The following RPN2 variants were observed in gnomAD, a reference collection of about 807,000 sequenced individuals.
RPN2 encodes dolichyl-diphosphooligosaccharide--protein glycosyltransferase subunit 2.
A neutral mutation model predicts 71.4 loss-of-function variants in RPN2; 29 were observed. The ratio of observed to expected loss-of-function variants is 0.41; its 90% CI spans 0.30 to 0.55. RPN2 has a LOEUF of 0.55. Among genes scored for constraint, RPN2 ranks in the 20% least tolerant of loss-of-function variants. RPN2 has a pLI of 0.35. For missense variants in RPN2, 726 were observed against 774.1 expected, an observed-to-expected ratio of 0.94 and a Z score of 0.74; for synonymous variants, 308 against 305.0, an observed-to-expected ratio of 1.01 and a Z score of -0.10.
At chr20:37,212,452 T>C (rs555249783) in intron 8 of RPN2, among the ~76,000 whole-genome samples, 2 of 151,598 alleles carry the variant, frequency 1.3e-5, no homozygotes, top group African/African-American at 2.4e-5. Context: ...AATTTTTATA[T>C]GAATTAGTGT....
At chr20:37,236,985 A>T (rs1338795451) in intron 16 of RPN2, among the ~76,000 whole-genome samples, 1 of 152,202 alleles carries the variant, frequency 6.6e-6, no homozygotes, top group Non-Finnish European at 1.5e-5. Flanking sequence ...AAATGCATTC[A>T]TAGATGTGGC....
chr20:37,199,236 A>T lies in RPN2; in HGVS notation c.479+11A>T. ...GGAGACTGTGCTGGCGTGAGTTGTC[A>T]TCTCGAGCATTTCTCAGGCTTCATT... On this transcript the variant is annotated intron_variant, in intron 4 of 16. Coordinates refer to ENST00000237530, the MANE Select transcript of RPN2 (RefSeq NM_002951.5). 1 of 1,612,878 alleles carries T rather than the reference A, an allele frequency of 6.2e-7. No homozygotes were observed. Among genetic ancestry groups the T allele is most frequent in the Non-Finnish European group, 8.5e-7 (1 of 1,180,002 alleles).
chr20:37,211,660 A>T (rs1335806897), intron 8 of RPN2, among the ~76,000 whole-genome samples: 1 of 151,750 alleles, frequency 6.6e-6, no homozygotes, highest in Non-Finnish European at 1.5e-5. Context: ...AAAAAAAAAA[A>T]AATCAGGGTA....
At chr20:37,195,706 T>C (rs2067241366) in intron 2 of RPN2, among the ~76,000 whole-genome samples, 1 of 152,180 alleles carries the variant, frequency 6.6e-6, no homozygotes, top group African/African-American at 2.4e-5. Context: ...GTCTCCAGTG[T>C]TGTCGTTCCA....
intron 16 of RPN2, chr20:37,238,315 C>T (rs2068456287): frequency 9.8e-7 from 1 of 1,019,918 alleles, no homozygotes; most frequent in East Asian, 2.6e-5. Flanking sequence ...AATGGAAGCT[C>T]TGGTTGGGTG....
intron 8 of RPN2, among the ~76,000 whole-genome samples, chr20:37,212,848 A>C (rs1464754509): frequency 1.3e-5 from 2 of 152,166 alleles, no homozygotes; most frequent in Non-Finnish European, 1.5e-5. Flanking sequence ...TTTAGAGAGA[A>C]AATGCGTTTC....
intron 10 of RPN2, among the ~76,000 whole-genome samples, chr20:37,225,248 C>T (rs957688939): frequency 6.6e-6 from 1 of 152,206 alleles, no homozygotes; most frequent in African/African-American, 2.4e-5. Context: ...ACCCTTCTTT[C>T]TTTTGTGTCT....
At chr20:37,223,003 T>C (rs1017776300) in intron 9 of RPN2, among the ~76,000 whole-genome samples, 11 of 152,244 alleles carry the variant, frequency 7.2e-5, no homozygotes, top group Admixed American at 5.9e-4. Flanking sequence ...GTTTATTTTT[T>C]CCCCACGCTA....
intron 9 of RPN2, among the ~76,000 whole-genome samples, chr20:37,221,774 G>A (rs888151966): frequency 6.6e-6 from 1 of 152,150 alleles, no homozygotes; most frequent in African/African-American, 2.4e-5. Context: ...AAAATTGGAG[G>A]GCTGCTAAGC....
chr20:37,200,273 G>A (rs1238136522), intron 4 of RPN2, among the ~76,000 whole-genome samples: 1 of 152,160 alleles, frequency 6.6e-6, no homozygotes, highest in Non-Finnish European at 1.5e-5. Flanking sequence ...ACAGGCGTGA[G>A]CCACAGCGCC....
At chr20:37,215,400 C>T (rs1224599256) in intron 9 of RPN2, among the ~76,000 whole-genome samples, 5 of 152,212 alleles carry the variant, frequency 3.3e-5, no homozygotes, top group South Asian at 2.1e-4. Flanking sequence ...GATCTTAGTT[C>T]GTTCACTATG....
At chr20:37,180,907 A>C (rs1026429835) in intron 1 of RPN2, among the ~76,000 whole-genome samples, 2 of 152,168 alleles carry the variant, frequency 1.3e-5, no homozygotes, top group Middle Eastern at 3.2e-3. Flanking sequence ...ATTAGAGTGT[A>C]AGTCAAATCA....
intron 2 of RPN2, among the ~76,000 whole-genome samples, chr20:37,191,639 G>T (rs979987950): frequency 6.7e-6 from 1 of 150,300 alleles, no homozygotes; most frequent in African/African-American, 2.4e-5. Flanking sequence ...GTGGTGGCGG[G>T]TGCCTGTAGT....
At chr20:37,208,449 G>A (rs6104063) in intron 7 of RPN2, among the ~76,000 whole-genome samples, 4 of 151,954 alleles carry the variant, frequency 2.6e-5, no homozygotes, top group African/African-American at 7.3e-5. Flanking sequence ...TCGCTATGTC[G>A]CGCAGGCTGG....
intron 6 of RPN2, among the ~76,000 whole-genome samples, chr20:37,206,606 G>A (rs1196662850): frequency 6.6e-6 from 1 of 152,004 alleles, no homozygotes; most frequent in Non-Finnish European, 1.5e-5. Context: ...ATGATGCCTG[G>A]CATATATAGA....
chr20:37,241,490 T>A lies in RPN2; in HGVS notation c.*175T>A. On this transcript the variant is annotated 3_prime_UTR_variant, in exon 17 of 17. Coordinates refer to ENST00000237530, the MANE Select transcript of RPN2 (RefSeq NM_002951.5). ...GTTTCCCCAACACACAGCAGATACC[T>A]GGTGAGCTCAGATAGTCTCTTTCTC... The A allele has an allele frequency of 1.4e-6, 1 of 708,942 alleles. No homozygotes were observed. Among genetic ancestry groups the A allele is most frequent in the Non-Finnish European group, 2.4e-6 (1 of 409,154 alleles). 43.9% of individuals were successfully genotyped at this position (708,942 alleles called of 1,614,324 possible).
Position 37,232,388 on chromosome 20 carries a change from T to C in RPN2, c.1674T>C (p.Ala558=), listed in dbSNP as rs1414517661. The C allele has an allele frequency of 6.2e-7, 1 of 1,614,124 alleles. No homozygotes were observed. Among genetic ancestry groups the C allele is most frequent in the Non-Finnish European group, 8.5e-7 (1 of 1,180,022 alleles). ...LILSPLLLLF[A]LWIRIGANVS... The stretch of plus-strand genomic sequence containing the variant: ...TCTCGCCGTTGCTTCTGCTCTTCGC[T>C]CTGGTGAGTGGCTGTAATTAGCGTG... The change falls in exon 14 of 17, where the codon GCT becomes GCC. Residue 558 remains alanine, a synonymous_variant. Transcript: ENST00000237530.
chr20:37,228,234 T>G (rs530579718), intron 11 of RPN2, among the ~76,000 whole-genome samples: 98 of 152,310 alleles, frequency 6.4e-4, no homozygotes, highest in African/African-American at 2.2e-3. Context: ...ACCAAAAGGC[T>G]GGCGGGAAAA....
chr20:37,189,005 C>T (rs2067078143), intron 2 of RPN2, among the ~76,000 whole-genome samples: 1 of 151,990 alleles, frequency 6.6e-6, no homozygotes, highest in African/African-American at 2.4e-5. Context: ...GTAGTCTTAG[C>T]TCACTGCAAC....
Sources: allele counts gnomAD v4.1 joint callset (sites outside exome capture counted in the v4.1 genomes callset), GRCh38; gene constraint gnomAD v4.1.1; transcripts MANE v1.5; gene names NCBI Gene and HGNC (gene_info 2026-07-23, HGNC 2026-07-21).